MBTPS2: variants seen among roughly 807,000 people sequenced by gnomAD.
MBTPS2 encodes membrane bound transcription factor peptidase, site 2, also known as membrane-bound transcription factor site-2 protease.
MBTPS2 carries 2 observed loss-of-function variants against 35.4 expected under a neutral mutation model. The observed-to-expected ratio is 0.06, with a 90% CI of 0.02 to 0.18. The LOEUF (loss-of-function observed/expected upper bound fraction) is 0.18. Ranked by LOEUF, MBTPS2 falls within the 10% of genes least tolerant of loss-of-function variation. MBTPS2 has a pLI of 1.00. For synonymous variants in MBTPS2, 125 were observed against 140.4 expected, an observed-to-expected ratio of 0.89 and a Z score of 0.77; for missense variants, 244 against 386.5, an observed-to-expected ratio of 0.63 and a Z score of 3.09.
rs183726530 is a variant in MBTPS2, at chrX:21,855,266, A to G, written c.670+1763A>G. The stretch of plus-strand genomic sequence containing the variant: ...TGGGGAATGACAATTGATAACAGAG[A>G]AAATAAAAACAATTATAAGTGTTGT... On this transcript the variant is annotated intron_variant, in intron 5 of 10. Transcript: ENST00000379484. 2.2e-4 allele frequency among the ~76,000 whole-genome samples: 25 copies of G among 111,853 alleles called. No individual in the cohort carries two copies. In the East Asian group the frequency reaches 7.0e-3, roughly 31 times the overall value.
At chrX:21,863,770 C>T (rs1340423925) in intron 5 of MBTPS2, among the ~76,000 whole-genome samples, 1 of 111,646 alleles carries the variant, frequency 9.0e-6, no homozygotes, top group Non-Finnish European at 1.9e-5. Flanking sequence ...TCCCAAACAT[C>T]ACCTAGCCCA....
At position 21,856,417 on chromosome X, in the gene MBTPS2, C is replaced by T. The variant is rs915936271; in HGVS notation, c.670+2914C>T. The T allele has an allele frequency of 8.9e-5, 100 of 1,123,541 alleles. No individual in the cohort carries two copies. The South Asian group carries it at 2.0e-3, about 23-fold the overall frequency. The allele number at this position is 1,123,541 out of a possible 1,213,427, so 92.6% of individuals were successfully genotyped here. On this transcript the variant is annotated intron_variant, in intron 5 of 10. Transcript: ENST00000379484. ...CTCGCCCCTTCCTCTGCAGCTCCCA[C>T]CTCACTCCCCTCAGCGTTCTTTTTC...
intron 9 of MBTPS2, among the ~76,000 whole-genome samples, chrX:21,880,234 G>A (rs747329849): frequency 1.4e-4 from 16 of 110,374 alleles, no homozygotes; most frequent in South Asian, 7.6e-4. Flanking sequence ...GGATTACAGC[G>A]TGAGGCACCG....
intron 5 of MBTPS2, chrX:21,856,864 C>T (rs371573327): frequency 1.5e-5 from 18 of 1,209,535 alleles, no homozygotes; most frequent in African/African-American, 5.3e-5. Flanking sequence ...TCGGCCTCGG[C>T]GGCATCAACA....
At position 21,884,201 on chromosome X, in the gene MBTPS2, T is replaced by G; in HGVS notation, c.*1546T>G. On this transcript the variant is annotated 3_prime_UTR_variant, in exon 11 of 11. Coordinates refer to ENST00000379484, the MANE Select transcript of MBTPS2 (RefSeq NM_015884.4). ...TTTATTAATGACTTGGGTCATCAGT[T>G]AATACCAGTACTAAAACCATACGAA... 4.3e-6 allele frequency: 3 copies of G among 700,409 alleles called. No individual in the cohort carries two copies. Among genetic ancestry groups the G allele is most frequent in the Non-Finnish European group, 5.1e-6 (3 of 589,884 alleles). 57.7% of individuals were successfully genotyped at this position (700,409 alleles called of 1,213,427 possible). A position where few individuals can be genotyped will look rare whatever the true frequency, so the allele number is the denominator to read the frequency against.
chrX:21,874,059 C>T (rs1276049110), intron 7 of MBTPS2, among the ~76,000 whole-genome samples: 17 of 88,176 alleles, frequency 1.9e-4, no homozygotes, highest in South Asian at 6.0e-4. Context: ...CTCACTCTGT[C>T]GCCCAGGCTA....
rs1392884915 is a variant in MBTPS2, at chrX:21,848,801, T to C, written c.439-2708T>C. Among the ~76,000 whole-genome samples, 3 of 112,047 alleles carry C rather than the reference T, an allele frequency of 2.7e-5. No individual in the cohort carries two copies. In the East Asian group the frequency reaches 8.4e-4, roughly 31 times the overall value. On this transcript the variant is annotated intron_variant, in intron 3 of 10. Transcript: ENST00000379484. ...AATTTAGAAAATGATTCAAGCAGCA[T>C]TGTTTGAATCTTCAGTTACTAAAGG...
At chrX:21,876,513 C>G (rs1385560312) in intron 7 of MBTPS2, among the ~76,000 whole-genome samples, 1 of 107,392 alleles carries the variant, frequency 9.3e-6, no homozygotes, top group Admixed American at 1.0e-4. Context: ...TGCAGTGAGC[C>G]AAGATCACGC....
chrX:21,853,610 T>C (rs1015991163), intron 5 of MBTPS2, 107 bp downstream of exon 5: 16 of 809,710 alleles, frequency 2.0e-5, no homozygotes, highest in Non-Finnish European at 3.0e-5. Flanking sequence ...TCTTATCTTT[T>C]GGTTAATAAC....
At chrX:21,862,967 T>TATAA (rs1283198445) in intron 5 of MBTPS2, among the ~76,000 whole-genome samples, 2 of 58,352 alleles carry the variant, frequency 3.4e-5, no homozygotes, top group Non-Finnish European at 6.2e-5. Context: ...TATATATATA[T>TATAA]AAAACCGACT....
chrX:21,843,341 T>G (rs779276712), intron 2 of MBTPS2, 23 bp downstream of exon 2: 4 of 1,191,257 alleles, frequency 3.4e-6, no homozygotes, highest in Non-Finnish European at 4.6e-6. Context: ...TTCTTTTGTT[T>G]GGTTTAGGTT....
At chrX:21,855,096 AATG>A (rs930218210) in intron 5 of MBTPS2, among the ~76,000 whole-genome samples, 19 of 111,860 alleles carry the variant, frequency 1.7e-4, no homozygotes, top group African/African-American at 5.8e-4. Context: ...ATAATTAAGA[AATG>A]ATGACGTAAT....
Position 21,883,895 on chromosome X carries a change from C to A in MBTPS2, c.*1240C>A, listed in dbSNP as rs762957466. On this transcript the variant is annotated 3_prime_UTR_variant, in exon 11 of 11. Coordinates refer to ENST00000379484, the MANE Select transcript of MBTPS2 (RefSeq NM_015884.4). Reference sequence around the variant, plus strand: ...CTGGGAAATTTGGGGAGTCAGCAGGCCAGTGTGAAGCTATTGGTCCTAGGA... The same window carrying A: ...CTGGGAAATTTGGGGAGTCAGCAGGACAGTGTGAAGCTATTGGTCCTAGGA... 50 of 751,705 alleles carry A rather than the reference C, an allele frequency of 6.7e-5. No homozygotes were observed. The highest frequency in any genetic ancestry group is 7.5e-5 in the Non-Finnish European group (48 of 638,988). 61.9% of individuals were successfully genotyped at this position (751,705 alleles called of 1,213,427 possible). A position where few individuals can be genotyped will look rare whatever the true frequency, so the allele number is the denominator to read the frequency against.
intron 3 of MBTPS2, among the ~76,000 whole-genome samples, chrX:21,850,521 C>T (rs2092913670): frequency 9.1e-6 from 1 of 110,407 alleles, no homozygotes; most frequent in African/African-American, 3.3e-5. Flanking sequence ...CAGAAATTTC[C>T]TCCAAAAGGA....
At chrX:21,875,701 G>T (rs1429318535) in intron 7 of MBTPS2, among the ~76,000 whole-genome samples, 1 of 112,056 alleles carries the variant, frequency 8.9e-6, no homozygotes, top group African/African-American at 3.2e-5. Context: ...TTCCCTCAGG[G>T]AGCTCAAAGT....
At chrX:21,870,330 T>G (rs1169290540) in intron 7 of MBTPS2, 1 of 111,305 alleles carries the variant, frequency 9.0e-6, no homozygotes, top group Non-Finnish European at 1.9e-5. Context: ...GTAGATATAT[T>G]ATAGTACTTT....
At chrX:21,863,390 C>G (rs1431564876) in intron 5 of MBTPS2, among the ~76,000 whole-genome samples, 1 of 109,904 alleles carries the variant, frequency 9.1e-6, no homozygotes, top group East Asian at 2.8e-4. Context: ...CACATGTATA[C>G]TCATATACAT....
chrX:21,861,336 C>G (rs2092931127), intron 5 of MBTPS2, among the ~76,000 whole-genome samples: 1 of 111,431 alleles, frequency 9.0e-6, no homozygotes, highest in Admixed American at 9.6e-5. Flanking sequence ...ATTTTTCATA[C>G]CCTTGCAGAT....
rs1392319638 is a variant in MBTPS2, at chrX:21,883,198, A to G, written c.*543A>G. The G allele has an allele frequency of 1.6e-5, 12 of 756,922 alleles. No individual in the cohort carries two copies. The highest frequency in any genetic ancestry group is 1.3e-4 in the South Asian group (2 of 15,087). The allele number at this position is 756,922 out of a possible 1,213,427, so 62.4% of individuals were successfully genotyped here. A position where few individuals can be genotyped will look rare whatever the true frequency, so the allele number is the denominator to read the frequency against. On this transcript the variant is annotated 3_prime_UTR_variant, in exon 11 of 11. Transcript: ENST00000379484. ...GTCTGATTACAATTAGTAAAATTCT[A>G]TAGAAGAATCTGCTGACGTGAAAGG...
Sources: gnomAD v4.1 joint callset for allele counts (sites outside exome capture counted in the v4.1 genomes callset) on GRCh38, gnomAD v4.1.1 for gene constraint, MANE v1.5 for transcripts, NCBI Gene and HGNC (gene_info 2026-07-23, HGNC 2026-07-21) for gene names.